Variants in HBS1L observed in about 807,000 individuals in gnomAD.
HBS1L encodes the protein HBS1 like translational GTPase.
A neutral mutation model predicts 88.9 loss-of-function variants in HBS1L; 55 were observed. The ratio of observed to expected loss-of-function variants is 0.62; its 90% CI spans 0.50 to 0.77. The LOEUF is 0.77. Among genes scored for constraint, HBS1L ranks in the 30% least tolerant of loss-of-function variants. The pLI is 0.00. For synonymous variants in HBS1L, 267 were observed against 288.5 expected (o/e 0.93, Z 0.76); for missense variants, 741 against 829.3 (o/e 0.89, Z 1.31).
rs1777050938 is a variant in HBS1L at position 135,050,605 on chromosome 6, T to C, written c.86A>G (p.Asp29Gly). The C allele has an allele frequency of 6.3e-7, 1 of 1,596,280 alleles. No homozygotes were observed. Among genetic ancestry groups the C allele is most frequent in the Non-Finnish European group, 8.5e-7 (1 of 1,169,994 alleles). The change falls in exon 2 of 18, where the codon GAT becomes GGT. Residue 29 changes from aspartate (D) to glycine (G), a missense_variant. Coordinates refer to ENST00000367837, the MANE Select transcript of HBS1L (RefSeq NM_006620.4). ...ACCTGTTGACGGCGAAATACAATAATCATCCTCTACAGACTGGCCGTAGAG... is the reference window on the plus strand; with the variant it reads ...ACCTGTTGACGGCGAAATACAATAACCATCCTCTACAGACTGGCCGTAGAG... ...DDLYGQSVEDDYCISPSTAAQ... is the reference protein window; with the variant it reads ...DDLYGQSVEDGYCISPSTAAQ...
At chr6:135,014,393 G>A (rs190803422) in intron 4 of HBS1L, among the ~76,000 whole-genome samples, 5 of 152,272 alleles carry the variant, frequency 3.3e-5, no homozygotes, top group Admixed American at 1.3e-4. Flanking sequence ...TCTTGGCACT[G>A]AGGACACAAA....
At chr6:135,045,999 T>A (rs1377412283) in intron 2 of HBS1L, among the ~76,000 whole-genome samples, 3 of 152,112 alleles carry the variant, frequency 2.0e-5, no homozygotes, top group African/African-American at 7.2e-5. Context: ...CTCAAAAAAC[T>A]CCAATAAGTT....
chr6:135,041,147 TA>T (rs11390141), intron 3 of HBS1L, among the ~76,000 whole-genome samples: 14 of 149,710 alleles, frequency 9.4e-5, no homozygotes, highest in Non-Finnish European at 1.3e-4. Context: ...ACCCTTTCTT[TA>T]AAAAAAAAAG....
chr6:135,052,381 T>A (rs1261409881), intron 1 of HBS1L, among the ~76,000 whole-genome samples: 2 of 151,966 alleles, frequency 1.3e-5, no homozygotes, highest in African/African-American at 2.4e-5. Flanking sequence ...AGGATCTCGC[T>A]TGGGCAACAC....
intron 1 of HBS1L, among the ~76,000 whole-genome samples, chr6:135,053,039 G>C (rs1417285886): frequency 6.6e-6 from 1 of 152,188 alleles, no homozygotes; most frequent in Non-Finnish European, 1.5e-5. Flanking sequence ...AAAAGGGGAT[G>C]AACCTCCTTA....
chr6:135,022,628 A>G (rs1776104818), intron 4 of HBS1L, among the ~76,000 whole-genome samples: 1 of 152,168 alleles, frequency 6.6e-6, no homozygotes, highest in Non-Finnish European at 1.5e-5. Context: ...TAAGTATAAA[A>G]TTCTCCTAAT....
At chr6:134,985,283 T>C in intron 12 of HBS1L, 58 bp downstream of exon 12, 2 of 1,101,828 alleles carry the variant, frequency 1.8e-6, no homozygotes, top group South Asian at 3.0e-5. Context: ...GAAAGGAGGT[T>C]AGGAGGGAAT....
chr6:135,047,933 AAATTGTTTTATTCCT>A (rs796140600), intron 2 of HBS1L, among the ~76,000 whole-genome samples: 4 of 152,336 alleles, frequency 2.6e-5, no homozygotes, highest in African/African-American at 9.6e-5. Flanking sequence ...GAAAAATGTG[AAATTGTTTTATTCCT>A]AAGTCACTAC....
chr6:135,043,163 T>A (rs998141536), intron 2 of HBS1L, among the ~76,000 whole-genome samples: 1 of 152,222 alleles, frequency 6.6e-6, no homozygotes, highest in Admixed American at 6.5e-5. Flanking sequence ...CACAGGCATA[T>A]CCACAGTACT....
At chr6:135,045,595 G>T (rs932712674) in intron 2 of HBS1L, among the ~76,000 whole-genome samples, 1 of 152,130 alleles carries the variant, frequency 6.6e-6, no homozygotes, top group African/African-American at 2.4e-5. Context: ...CAGCACTTTG[G>T]GAGGTCCAGG....
intron 1 of HBS1L, among the ~76,000 whole-genome samples, chr6:135,053,903 TACAG>T (rs1215155821): frequency 6.6e-6 from 1 of 152,276 alleles, no homozygotes; most frequent in East Asian, 1.9e-4. Context: ...AGAACATTCA[TACAG>T]ACATTTTTAT....
intron 4 of HBS1L, among the ~76,000 whole-genome samples, chr6:135,030,084 TG>T (rs1234076604): frequency 1.3e-5 from 2 of 152,194 alleles, no homozygotes; most frequent in Non-Finnish European, 2.9e-5. Context: ...TATTCTGAGT[TG>T]GGAATACAGC....
rs1050038399 is a variant in HBS1L at position 134,979,101 on chromosome 6, AG to A, written c.1688+76del. ...AAATGAAATTCAAAATTGAACTAGC[AG>A]GTTGCAAAATATATGTGTTTAGAGG... On this transcript the variant is annotated intron_variant, in intron 14 of 17. Coordinates refer to ENST00000367837, the MANE Select transcript of HBS1L (RefSeq NM_006620.4). 14 of 963,458 alleles carry A rather than the reference AG, an allele frequency of 1.5e-5. No homozygotes were observed. In the African/African-American group the frequency reaches 2.1e-4, roughly 14 times the overall value. 59.7% of individuals were successfully genotyped at this position (963,458 alleles called of 1,614,324 possible). A position where few individuals can be genotyped will look rare whatever the true frequency, so the allele number is the denominator to read the frequency against.
Position 134,979,279 on chromosome 6 carries a change from G to GT in HBS1L, c.1598-12dup. The stretch of plus-strand genomic sequence containing the variant: ...CATGCAGAGTGATTCCTGGAAATGA[G>GT]TAAGAACCAAAGCATACAGTGAAAC... On this transcript the variant is annotated splice_polypyrimidine_tract_variant and intron_variant, in intron 13 of 17. Coordinates refer to ENST00000367837, the MANE Select transcript of HBS1L (RefSeq NM_006620.4). The GT allele has an allele frequency of 6.2e-7, 1 of 1,604,272 alleles. No homozygotes were observed. Among genetic ancestry groups the GT allele is most frequent in the African/African-American group, 1.3e-5 (1 of 74,730 alleles).
chr6:135,024,547 G>C (rs1188409513), intron 4 of HBS1L, among the ~76,000 whole-genome samples: 1 of 109,504 alleles, frequency 9.1e-6, no homozygotes, highest in South Asian at 3.1e-4. Flanking sequence ...ACTCTTGGGG[G>C]TGTTTTTTTT....
At chr6:135,003,332 C>G (rs1775518123) in intron 4 of HBS1L, among the ~76,000 whole-genome samples, 1 of 152,232 alleles carries the variant, frequency 6.6e-6, no homozygotes, top group South Asian at 2.1e-4. Flanking sequence ...TTGCACACAA[C>G]ACTAGACTTA....
At chr6:135,038,789 C>A (rs917699066) in intron 4 of HBS1L, among the ~76,000 whole-genome samples, 1 of 151,896 alleles carries the variant, frequency 6.6e-6, no homozygotes, top group African/African-American at 2.4e-5. Flanking sequence ...CTATAAAATG[C>A]AAAGTAGTAT....
intron 7 of HBS1L, 92 bp downstream of exon 7, chr6:134,996,685 T>A (rs1775296990): frequency 4.4e-6 from 4 of 915,524 alleles, no homozygotes; most frequent in Non-Finnish European, 3.2e-6. Flanking sequence ...CTCTAAAGTA[T>A]TTCATATGTT....
chr6:135,050,086 T>C (rs9376085), intron 2 of HBS1L, among the ~76,000 whole-genome samples: 79,648 of 152,104 alleles, frequency 0.52, 20,982 homozygotes, highest in South Asian at 0.57. Flanking sequence ...GATGTGGAAT[T>C]ATACAGAAAT....
Sources: gnomAD v4.1 joint callset for allele counts (sites outside exome capture counted in the v4.1 genomes callset) on GRCh38, gnomAD v4.1.1 for gene constraint, MANE v1.5 for transcripts, NCBI Gene and HGNC (gene_info 2026-07-23, HGNC 2026-07-21) for gene names.